FRMD3: variants seen among roughly 807,000 people sequenced by gnomAD.
FRMD3 encodes the protein FERM domain-containing protein 3.
Under a neutral mutation model 70.2 loss-of-function variants are expected in FRMD3, and 33 were observed. That is an observed-to-expected ratio of 0.47 (90% CI 0.36 to 0.63). The LOEUF (loss-of-function observed/expected upper bound fraction) is 0.63. FRMD3 is among the 20% of genes least tolerant of loss of function. FRMD3 has a pLI of 0.00. For synonymous variants in FRMD3, 279 were observed against 255.9 expected, an observed-to-expected ratio of 1.09 and a Z score of -0.86; for missense variants, 632 against 711.4, an observed-to-expected ratio of 0.89 and a Z score of 1.27.
chr9:83,325,122 G>A (rs1835960827), intron 6 of FRMD3, among the ~76,000 whole-genome samples: 1 of 152,154 alleles, frequency 6.6e-6, no homozygotes, highest in African/African-American at 2.4e-5. Context: ...GTGTCACATG[G>A]ACATAGAGTG....
intron 13 of FRMD3, among the ~76,000 whole-genome samples, chr9:83,289,991 C>T (rs1157390975): frequency 6.6e-6 from 1 of 151,816 alleles, no homozygotes; most frequent in Admixed American, 6.6e-5. Flanking sequence ...GGACACTTCA[C>T]TTTTTTTTAG....
chr9:83,278,913 G>T (rs1833879052), intron 13 of FRMD3, among the ~76,000 whole-genome samples: 1 of 152,164 alleles, frequency 6.6e-6, no homozygotes, highest in African/African-American at 2.4e-5. Flanking sequence ...GGGCTTCTCA[G>T]TTCCCTCCCC....
At chr9:83,419,969 G>A (rs1826583642) in intron 1 of FRMD3, among the ~76,000 whole-genome samples, 5 of 152,156 alleles carry the variant, frequency 3.3e-5, no homozygotes, top group Non-Finnish European at 5.9e-5. Flanking sequence ...GGTAGACCAC[G>A]GACTAGAAAC....
chr9:83,579,799 C>T, the FRMD3 span, among the ~76,000 whole-genome samples: 1 of 151,974 alleles, frequency 6.6e-6, no homozygotes, highest in African/African-American at 2.4e-5. Context: ...TTGTATCAAA[C>T]TAAAAAGCTT....
chr9:83,539,258 C>T (rs1379884971), upstream of FRMD3, among the ~76,000 whole-genome samples: 1 of 152,186 alleles, frequency 6.6e-6, no homozygotes, highest in Non-Finnish European at 1.5e-5. Context: ...ATTCCCCACG[C>T]GCCTCCAGGG....
rs77305010 is a variant in FRMD3, at chr9:83,491,281, G to C, written c.147+46804C>G. Among the ~76,000 whole-genome samples the C allele has an allele frequency of 2.8e-3, 421 of 152,236 alleles. 2 individuals are homozygous for C. The highest frequency in any genetic ancestry group is 9.2e-3 in the African/African-American group (384 of 41,552). On this transcript the variant is annotated intron_variant, in intron 1 of 13. Transcript: ENST00000304195. ...CCACTATGGGTGTGTAAGAAGGAAG[G>C]GTTGCAATAATAAATTGAGCCCTGA...
intron 13 of FRMD3, among the ~76,000 whole-genome samples, chr9:83,250,473 T>C (rs1408865351): frequency 6.6e-6 from 1 of 152,026 alleles, no homozygotes; most frequent in Non-Finnish European, 1.5e-5. Context: ...CCTAGGAAGG[T>C]GGTTGAATCC....
chr9:83,299,441 G>T (rs1264481652), intron 10 of FRMD3, among the ~76,000 whole-genome samples: 1 of 152,136 alleles, frequency 6.6e-6, no homozygotes, highest in Non-Finnish European at 1.5e-5. Flanking sequence ...CACATACTGG[G>T]TTTCATAATT....
intron 1 of FRMD3, among the ~76,000 whole-genome samples, chr9:83,413,454 C>T (rs1826336023): frequency 6.6e-6 from 1 of 152,164 alleles, no homozygotes; most frequent in African/African-American, 2.4e-5. Context: ...CACCCGGGCC[C>T]CTGAATGTCA....
At chr9:83,350,261 T>G (rs1280832520) in intron 3 of FRMD3, among the ~76,000 whole-genome samples, 1 of 152,180 alleles carries the variant, frequency 6.6e-6, no homozygotes, top group Non-Finnish European at 1.5e-5. Flanking sequence ...GAGTCAGCCA[T>G]GCAGAGATCC....
At chr9:83,561,849 C>G in the FRMD3 span, among the ~76,000 whole-genome samples, 6 of 152,200 alleles carry the variant, frequency 3.9e-5, no homozygotes, top group Admixed American at 6.5e-5. Context: ...AGCCTGCCCT[C>G]TGTTCCTCTA....
chr9:83,382,692 T>C (rs1825393711), intron 2 of FRMD3, among the ~76,000 whole-genome samples: 1 of 152,124 alleles, frequency 6.6e-6, no homozygotes, highest in Non-Finnish European at 1.5e-5. Flanking sequence ...ATTGAGTCTA[T>C]ACCTATCCTT....
At chr9:83,267,389 C>T (rs903038191) in intron 13 of FRMD3, 6 of 1,117,826 alleles carry the variant, frequency 5.4e-6, no homozygotes, top group African/African-American at 1.6e-5. Context: ...CATCCCTACT[C>T]TAGCCTTTCT....
At chr9:83,585,616 T>C in the FRMD3 span, among the ~76,000 whole-genome samples, 3 of 152,290 alleles carry the variant, frequency 2.0e-5, no homozygotes, top group East Asian at 1.9e-4. Flanking sequence ...AGCAGCCATC[T>C]TGGGCCAAGA....
chr9:83,538,741 C>T (rs1288740790), upstream of FRMD3, among the ~76,000 whole-genome samples: 1 of 152,186 alleles, frequency 6.6e-6, no homozygotes, highest in Non-Finnish European at 1.5e-5. The surrounding 1 kb of genome is among the most constrained non-coding windows in gnomAD (Gnocchi z 4.7). Flanking sequence ...CGGTTGTGCT[C>T]GTCCCGGCCC....
intron 2 of FRMD3, among the ~76,000 whole-genome samples, chr9:83,379,855 G>T (rs1395886872): frequency 6.6e-6 from 1 of 152,112 alleles, no homozygotes; most frequent in Non-Finnish European, 1.5e-5. Context: ...ACAACTCTAA[G>T]GCATGGCCTA....
At chr9:83,426,486 G>A (rs531125863) in intron 1 of FRMD3, among the ~76,000 whole-genome samples, 1 of 152,372 alleles carries the variant, frequency 6.6e-6, no homozygotes, top group South Asian at 2.1e-4. Context: ...AAGAGGAGCA[G>A]GTGATGCACG....
chr9:83,489,330 T>G (rs933961349), intron 1 of FRMD3, among the ~76,000 whole-genome samples: 2 of 151,616 alleles, frequency 1.3e-5, no homozygotes, highest in African/African-American at 4.8e-5. Context: ...ACCTACAGAG[T>G]GGAAGAAAAT....
At chr9:83,561,872 T>C in the FRMD3 span, among the ~76,000 whole-genome samples, 2 of 152,052 alleles carry the variant, frequency 1.3e-5, no homozygotes, top group Non-Finnish European at 2.9e-5. Flanking sequence ...CCACCACACA[T>C]CTCCTAGATA....
Sources: allele counts gnomAD v4.1 joint callset (sites outside exome capture counted in the v4.1 genomes callset), GRCh38; gene constraint gnomAD v4.1.1; non-coding constraint Gnocchi (gnomAD v3.1); transcripts MANE v1.5; gene names NCBI Gene and HGNC (gene_info 2026-07-23, HGNC 2026-07-21).